LINGO2: variants seen among roughly 807,000 people sequenced by gnomAD.
LINGO2 encodes leucine-rich repeat and immunoglobulin-like domain-containing nogo receptor-interacting protein 2.
LINGO2 carries 14 observed loss-of-function variants against 30.6 expected under a neutral mutation model. The ratio of observed to expected loss-of-function variants is 0.46; its 90% CI spans 0.30 to 0.72. The LOEUF (loss-of-function observed/expected upper bound fraction) is 0.72, where lower values mean the gene tolerates loss of function less well. LINGO2 is among the 30% of genes least tolerant of loss of function. The pLI, the probability that LINGO2 is intolerant of heterozygous loss-of-function variation, is 0.07. For synonymous variants in LINGO2, 317 were observed against 288.5 expected (o/e 1.10, Z -1.00); for missense variants, 729 against 751.7 (o/e 0.97, Z 0.35).
chr9:28,855,026 G>C, the LINGO2 span, among the ~76,000 whole-genome samples: 1 of 151,966 alleles, frequency 6.6e-6, no homozygotes, highest in African/African-American at 2.4e-5. Flanking sequence ...TATCAATGAA[G>C]TTGTGAATGA....
intron 3 of LINGO2, among the ~76,000 whole-genome samples, chr9:28,321,020 C>T (rs1463003525): frequency 1.3e-5 from 2 of 152,006 alleles, no homozygotes; most frequent in Non-Finnish European, 2.9e-5. Flanking sequence ...CATTTAATCA[C>T]ATTTCTTAGG....
intron 2 of LINGO2, among the ~76,000 whole-genome samples, chr9:28,433,949 C>CTATATATATATATATA (rs375073572): frequency 5.3e-4 from 47 of 88,526 alleles, no homozygotes; most frequent in African/African-American, 2.0e-3. Context: ...CTCTCTCTCT[C>CTATATATATATATATA]TATATATATA....
the LINGO2 span, among the ~76,000 whole-genome samples, chr9:29,174,201 A>T: frequency 6.6e-6 from 1 of 152,124 alleles, no homozygotes; most frequent in African/African-American, 2.4e-5. Flanking sequence ...TCTATCTCAC[A>T]CTATATTTTT....
At chr9:28,575,217 G>A (rs1008626599) in intron 1 of LINGO2, among the ~76,000 whole-genome samples, 5 of 151,814 alleles carry the variant, frequency 3.3e-5, no homozygotes, top group African/African-American at 1.2e-4. Context: ...GCCTGGCCAA[G>A]ATGGTGAAAC....
At chr9:28,057,633 A>ATATATATACACATATATG (rs1824998802) in intron 4 of LINGO2, among the ~76,000 whole-genome samples, 1 of 148,990 alleles carries the variant, frequency 6.7e-6, no homozygotes, top group Non-Finnish European at 1.5e-5. Context: ...ATATACACAC[A>ATATATATACACATATATG]TATATAAACC....
intron 4 of LINGO2, among the ~76,000 whole-genome samples, chr9:28,048,858 AGTTTGT>A (rs556904676): frequency 8.6e-5 from 13 of 150,898 alleles, no homozygotes; most frequent in Admixed American, 3.3e-4. Context: ...ATATATATGT[AGTTTGT>A]GTTTGTGTTT....
chr9:28,309,625 T>C (rs1824527634), intron 3 of LINGO2, among the ~76,000 whole-genome samples: 1 of 151,950 alleles, frequency 6.6e-6, no homozygotes, highest in Non-Finnish European at 1.5e-5. Context: ...TAAGCTAAGA[T>C]TAATTTACTA....
At chr9:28,156,618 C>A (rs537911707) in intron 4 of LINGO2, among the ~76,000 whole-genome samples, 22 of 152,308 alleles carry the variant, frequency 1.4e-4, no homozygotes, top group African/African-American at 4.8e-4. Flanking sequence ...TCAGCATTAA[C>A]TCAAAAGTCC....
chr9:28,280,862 T>C (rs74821733), intron 4 of LINGO2, among the ~76,000 whole-genome samples: 1,833 of 152,282 alleles, frequency 0.012, 49 homozygotes, highest in African/African-American at 0.042. Context: ...AAACTGATGC[T>C]TCTCTGGGTA....
At chr9:28,556,552 G>T (rs547903653) in intron 1 of LINGO2, among the ~76,000 whole-genome samples, 1 of 151,992 alleles carries the variant, frequency 6.6e-6, no homozygotes, top group Non-Finnish European at 1.5e-5. Context: ...AATCAATATC[G>T]TGAAAATGGC....
At chr9:27,986,197 A>C (rs896670266) in intron 5 of LINGO2, among the ~76,000 whole-genome samples, 1 of 151,678 alleles carries the variant, frequency 6.6e-6, no homozygotes, top group Non-Finnish European at 1.5e-5. Flanking sequence ...GAAAAGAGAC[A>C]GAAGATGGTC....
rs937742823 is a variant in LINGO2 at position 28,248,386 on chromosome 9, T to A, written c.-87+46822A>T. Among the ~76,000 whole-genome samples the A allele has an allele frequency of 3.9e-5, 6 of 152,158 alleles. No homozygotes were observed. The South Asian group carries it at 6.2e-4, about 16-fold the overall frequency. On this transcript the variant is annotated intron_variant, in intron 4 of 5. Transcript: ENST00000379992. ...GAGAAACTATGCATGTTTTTACTCA[T>A]TTGTGAGATCTAAAAATCTGAAGAA...
chr9:28,564,105 A>G (rs957919993), intron 1 of LINGO2, among the ~76,000 whole-genome samples: 6 of 152,288 alleles, frequency 3.9e-5, no homozygotes, highest in South Asian at 2.1e-4. Flanking sequence ...CACTTAACAC[A>G]TTGGTAACCA....
At chr9:28,877,003 G>T in the LINGO2 span, among the ~76,000 whole-genome samples, 18 of 152,042 alleles carry the variant, frequency 1.2e-4, no homozygotes, top group Non-Finnish European at 2.4e-4. Context: ...GATGGCCAGT[G>T]ATGGTAACCA....
intron 5 of LINGO2, among the ~76,000 whole-genome samples, chr9:27,956,503 C>A (rs1455129199): frequency 6.6e-6 from 1 of 151,448 alleles, no homozygotes; most frequent in African/African-American, 2.4e-5. Flanking sequence ...TATGGTTTAC[C>A]TTTTTGTTTT....
At chr9:29,053,635 T>A in the LINGO2 span, among the ~76,000 whole-genome samples, 1 of 152,336 alleles carries the variant, frequency 6.6e-6, no homozygotes, top group East Asian at 1.9e-4. Flanking sequence ...TTCACACACA[T>A]CACTTTCTTT....
the LINGO2 span, among the ~76,000 whole-genome samples, chr9:28,685,371 C>G: frequency 6.6e-6 from 1 of 152,118 alleles, no homozygotes; most frequent in African/African-American, 2.4e-5. Flanking sequence ...GCTTAGTAAA[C>G]AGTAGTTGAC....
the LINGO2 span, among the ~76,000 whole-genome samples, chr9:29,199,418 T>A: frequency 6.6e-6 from 1 of 151,908 alleles, no homozygotes; most frequent in Non-Finnish European, 1.5e-5. Context: ...AGAAAGAGAA[T>A]CCACCAAACC....
intron 4 of LINGO2, among the ~76,000 whole-genome samples, chr9:28,251,025 C>T (rs1020223377): frequency 9.2e-5 from 14 of 151,934 alleles, no homozygotes; most frequent in African/African-American, 3.1e-4. Context: ...GTGTTCTCCC[C>T]TTTCTGTAAG....
Sources: allele counts gnomAD v4.1 joint callset (sites outside exome capture counted in the v4.1 genomes callset), GRCh38; gene constraint gnomAD v4.1.1; transcripts MANE v1.5; gene names NCBI Gene and HGNC (gene_info 2026-07-23, HGNC 2026-07-21).